DHRSX: variants seen among roughly 807,000 people sequenced by gnomAD.
DHRSX encodes the protein dehydrogenase/reductase X-linked.
Under a neutral mutation model 34.0 loss-of-function variants are expected in DHRSX, and 31 were observed. The observed-to-expected ratio is 0.91, with a 90% CI of 0.69 to 1.23. The LOEUF (loss-of-function observed/expected upper bound fraction) is 1.23, where lower values mean the gene tolerates loss of function less well. DHRSX is among the 50% of genes most tolerant of loss of function. The probability of loss-of-function intolerance (pLI) is 0.00; values close to 1 mark genes in which losing one functional copy is unlikely to be tolerated. For synonymous variants in DHRSX, 201 were observed against 183.8 expected, an observed-to-expected ratio of 1.09 and a Z score of -0.76; for missense variants, 414 against 428.1, an observed-to-expected ratio of 0.97 and a Z score of 0.29.
chrX:2,450,634 T>A (rs1315133592), intron 1 of DHRSX, among the ~76,000 whole-genome samples: 2 of 151,860 alleles, frequency 1.3e-5, no homozygotes, highest in Non-Finnish European at 2.9e-5. Flanking sequence ...CAAGATTTTA[T>A]AAGCCCAAGT....
At position 2,460,338 on chromosome X, in the gene DHRSX, G is replaced by A. The variant is rs767631704; in HGVS notation, c.110-35034C>T. On this transcript the variant is annotated intron_variant, in intron 1 of 6. Coordinates refer to ENST00000334651, the MANE Select transcript of DHRSX (RefSeq NM_145177.3). The stretch of plus-strand genomic sequence containing the variant: ...AAGGTGCACTGAGCCGGCTCCCCAT[G>A]GAACTCCAAAAATAGCCCAGCTGGG... Among the ~76,000 whole-genome samples, 23 of 152,168 alleles carry A rather than the reference G, an allele frequency of 1.5e-4. No individual in the cohort carries two copies. The East Asian group carries it at 3.5e-3, about 23-fold the overall frequency.
At chrX:2,349,403 G>T (rs1207557899) in intron 3 of DHRSX, among the ~76,000 whole-genome samples, 1 of 152,098 alleles carries the variant, frequency 6.6e-6, no homozygotes, top group Non-Finnish European at 1.5e-5. Context: ...AAAGAAGGTA[G>T]TTGGGCCAGG....
intron 1 of DHRSX, chrX:2,489,789 G>C: frequency 6.2e-7 from 1 of 1,613,452 alleles, no homozygotes; most frequent in Non-Finnish European, 8.5e-7. Flanking sequence ...CGCGACAGCA[G>C]CGCCCCCAGC....
At chrX:2,324,404 CG>C (rs1193538467) in intron 3 of DHRSX, among the ~76,000 whole-genome samples, 3 of 152,144 alleles carry the variant, frequency 2.0e-5, no homozygotes, top group Non-Finnish European at 4.4e-5. Context: ...CAGAGCTGCT[CG>C]GGGCCCCCAC....
Position 2,328,079 on chromosome X carries a change from C to CAAAAAAA in DHRSX, c.287-36483_287-36477dup, listed in dbSNP as rs35824420. 9.3e-4 allele frequency among the ~76,000 whole-genome samples: 110 copies of CAAAAAAA among 118,520 alleles called. 3 individuals are homozygous for CAAAAAAA. In the South Asian group the frequency reaches 0.012, roughly 13 times the overall value. The allele number at this position is 118,520 out of a possible 152,430, so 77.8% of individuals were successfully genotyped here. A position where few individuals can be genotyped will look rare whatever the true frequency, so the allele number is the denominator to read the frequency against. The stretch of plus-strand genomic sequence containing the variant: ...TGGGCGACAGAGCGAGACTCCGTCT[C>CAAAAAAA]AAAAAAAAAAAGAGGAGGAGATGAG... On this transcript the variant is annotated intron_variant, in intron 3 of 6. Transcript: ENST00000334651.
At chrX:2,484,720 C>T (rs1160037734) in intron 1 of DHRSX, among the ~76,000 whole-genome samples, 5 of 152,038 alleles carry the variant, frequency 3.3e-5, no homozygotes, top group South Asian at 2.1e-4. Flanking sequence ...TGGGAAAGGA[C>T]GGGGCGGCGG....
chrX:2,488,626 G>A (rs186763014), intron 1 of DHRSX: 23 of 1,585,316 alleles, frequency 1.5e-5, no homozygotes, highest in Non-Finnish European at 1.6e-5. Flanking sequence ...AAGACAACAC[G>A]CTTCCTCGCT....
Position 2,486,194 on chromosome X carries a change from A to C in DHRSX, c.109+14623T>G, listed in dbSNP as rs372721839. On this transcript the variant is annotated intron_variant, in intron 1 of 6. Transcript: ENST00000334651. ...AACACTTTCACCAGCTGCCGGCTTT[A>C]TTCACTCAGAAATTTTGATGCCAAA... Among the ~76,000 whole-genome samples the C allele has an allele frequency of 4.1e-4, 63 of 152,250 alleles. 1 individual carries two copies. The highest frequency in any genetic ancestry group is 1.5e-3 in the African/African-American group (62 of 41,566).
intron 3 of DHRSX, among the ~76,000 whole-genome samples, chrX:2,382,816 C>A (rs1603031442): frequency 1.4e-5 from 2 of 142,608 alleles, no homozygotes; most frequent in East Asian, 4.4e-4. Flanking sequence ...ACCGTCATCA[C>A]CACCATCATC....
intron 3 of DHRSX, 38 bp downstream of exon 3, chrX:2,408,707 A>C (rs942506741): frequency 1.3e-5 from 20 of 1,577,916 alleles, no homozygotes; most frequent in Non-Finnish European, 1.6e-5. Flanking sequence ...CAAGGAAAAA[A>C]AAAAACAAAA....
chrX:2,311,457 T>C (rs2042164790), intron 3 of DHRSX, among the ~76,000 whole-genome samples: 1 of 152,080 alleles, frequency 6.6e-6, no homozygotes, highest in Admixed American at 6.6e-5. Flanking sequence ...ATAAACTCTG[T>C]AAATATTGTT....
At chrX:2,253,842 C>G (rs1445039282) in intron 5 of DHRSX, among the ~76,000 whole-genome samples, 3 of 152,108 alleles carry the variant, frequency 2.0e-5, no homozygotes, top group Non-Finnish European at 4.4e-5. Flanking sequence ...GGGCGGATCA[C>G]GAGGTCAGAA....
chrX:2,346,832 A>C (rs903023519), intron 3 of DHRSX, among the ~76,000 whole-genome samples: 7 of 151,556 alleles, frequency 4.6e-5, no homozygotes, highest in South Asian at 2.1e-4. Flanking sequence ...CCAGTGTGTG[A>C]TGTTCCCCTC....
At chrX:2,399,725 C>CAAAAAAAAAAAAAAAAAG (rs779558142) in intron 3 of DHRSX, among the ~76,000 whole-genome samples, 1 of 35,236 alleles carries the variant, frequency 2.8e-5, no homozygotes, top group African/African-American at 1.6e-4. Context: ...AAACAAAAAG[C>CAAAAAAAAAAAAAAAAAG]AAAAAAAAAA....
intron 2 of DHRSX, among the ~76,000 whole-genome samples, chrX:2,422,932 C>A (rs1206741024): frequency 2.6e-5 from 4 of 151,912 alleles, no homozygotes; most frequent in Admixed American, 6.6e-5. Context: ...CTACAGGCGC[C>A]CACCACCACG....
chrX:2,232,454 C>CCTGGGGT (rs764711608), intron 6 of DHRSX, among the ~76,000 whole-genome samples: 2,536 of 152,142 alleles, frequency 0.017, 24 homozygotes, highest in Non-Finnish European at 0.029. Context: ...CCCCTGCAGT[C>CCTGGGGT]CTGGGGTCTG....
In DHRSX at chrX:2,334,170, C is replaced by CTTTTTTTTTTTTTTTTTTTTTTT. The variant is rs778057545; in HGVS notation, c.287-42568_287-42567insAAAAAAAAAAAAAAAAAAAAAAA. Reference sequence around the variant, plus strand: ...TCTGTTGTTTTAACTCAAAAGTATGCTTTTTTTTTTTGAGACACAGTCTTA... The same window carrying CTTTTTTTTTTTTTTTTTTTTTTT: ...TCTGTTGTTTTAACTCAAAAGTATGCTTTTTTTTTTTTTTTTTTTTTTTTTTTTTTTTTTGAGACACAGTCTTA... On this transcript the variant is annotated intron_variant, in intron 3 of 6. Transcript: ENST00000334651. 2.9e-5 allele frequency: 3 copies of CTTTTTTTTTTTTTTTTTTTTTTT among 105,112 alleles called. 1 individual carries two copies. The highest frequency in any genetic ancestry group is 1.2e-4 in the African/African-American group (3 of 24,194). 6.5% of individuals were successfully genotyped at this position (105,112 alleles called of 1,614,324 possible).
chrX:2,370,967 C>T (rs2043051513), intron 3 of DHRSX, among the ~76,000 whole-genome samples: 5 of 152,108 alleles, frequency 3.3e-5, no homozygotes, highest in African/African-American at 9.7e-5. Context: ...ACGTGCCTGT[C>T]CCTAGAAAAG....
At chrX:2,402,706 T>A (rs1296528154) in intron 3 of DHRSX, among the ~76,000 whole-genome samples, 3 of 149,610 alleles carry the variant, frequency 2.0e-5, no homozygotes, top group African/African-American at 2.4e-5. Context: ...TTTTTTCTTT[T>A]AAAAAAAAAA....
Sources: allele counts gnomAD v4.1 joint callset (sites outside exome capture counted in the v4.1 genomes callset), GRCh38; gene constraint gnomAD v4.1.1; transcripts MANE v1.5; gene names NCBI Gene and HGNC (gene_info 2026-07-23, HGNC 2026-07-21).